CDH9: variants seen among roughly 807,000 people sequenced by gnomAD.
CDH9 encodes cadherin 9, also known as cadherin-9.
In CDH9, 28 loss-of-function variants were observed where a neutral mutation model predicts 70.9. That is an observed-to-expected ratio of 0.40 (90% CI 0.29 to 0.54). The LOEUF is 0.54. CDH9 is among the 20% of genes least tolerant of loss of function. The probability of loss-of-function intolerance (pLI) is 0.59; values close to 1 mark genes in which losing one functional copy is unlikely to be tolerated. For missense variants in CDH9, 874 were observed against 984.4 expected (o/e 0.89, Z 1.50); for synonymous variants, 409 against 343.1 (o/e 1.19, Z -2.12).
chr5:26,903,747 C>T lies in CDH9; in HGVS notation c.889G>A (p.Val297Met), dbSNP rs201758024. The change falls in exon 6 of 12, where the codon GTG becomes ATG. Residue 297 changes from valine (V) to methionine (M), a missense_variant. Coordinates refer to ENST00000231021, the MANE Select transcript of CDH9 (RefSeq NM_016279.4). Reference protein sequence around the residue: ...LGRIKANDPDVGENAEMEYSI... With the variant: ...LGRIKANDPDMGENAEMEYSI... ...TACTCCATTTCTGCATTTTCCCCCA[C>T]GTCAGGGTCATTGGCTTTTATCCTT... 3.9e-5 allele frequency: 62 copies of T among 1,607,990 alleles called. No homozygotes were observed. The highest frequency in any genetic ancestry group is 5.4e-5 in the African/African-American group (4 of 74,758).
chr5:26,914,755 T>C (rs977547297), intron 3 of CDH9, among the ~76,000 whole-genome samples: 2 of 152,050 alleles, frequency 1.3e-5, no homozygotes, highest in Non-Finnish European at 2.9e-5. Flanking sequence ...GTTATAAGAA[T>C]GTCAAAATCA....
chr5:26,980,686 A>G (rs1742384661), intron 2 of CDH9, among the ~76,000 whole-genome samples: 1 of 152,036 alleles, frequency 6.6e-6, no homozygotes. Context: ...ACATGCATAC[A>G]TTATTAATTT....
intron 2 of CDH9, among the ~76,000 whole-genome samples, chr5:26,946,898 A>T (rs547166965): frequency 1.3e-5 from 2 of 152,332 alleles, no homozygotes; most frequent in South Asian, 4.1e-4. Flanking sequence ...GATAAATACC[A>T]TCAGGAGTCA....
chr5:27,029,552 T>C lies in CDH9; in HGVS notation c.-50+8911A>G, dbSNP rs374084264. ...GTTGTTTGAAACAGTGGTCTACAAG[T>C]GAAGGTGCTCTTCCCAGCGCAGCAG... On this transcript the variant is annotated intron_variant, in intron 1 of 11. Transcript: ENST00000231021. Among the ~76,000 whole-genome samples, 4 of 152,072 alleles carry C rather than the reference T, an allele frequency of 2.6e-5. No individual in the cohort carries two copies. In the East Asian group the frequency reaches 7.8e-4, roughly 30 times the overall value.
intron 3 of CDH9, among the ~76,000 whole-genome samples, chr5:26,909,036 T>G (rs937253643): frequency 2.6e-5 from 4 of 152,192 alleles, no homozygotes; most frequent in African/African-American, 7.2e-5. Flanking sequence ...CAGGCTGGAG[T>G]GCAGTGGCGC....
At chr5:26,952,279 A>G (rs946447778) in intron 2 of CDH9, among the ~76,000 whole-genome samples, 5 of 149,408 alleles carry the variant, frequency 3.3e-5, no homozygotes, top group Middle Eastern at 3.4e-3. Context: ...TTGAAATTTA[A>G]TTAACTCAAT....
chr5:26,961,151 T>C (rs1742028145), intron 2 of CDH9, among the ~76,000 whole-genome samples: 1 of 152,232 alleles, frequency 6.6e-6, no homozygotes, highest in East Asian at 1.9e-4. Flanking sequence ...ACAAATACAA[T>C]CTGTATATAT....
rs1740497520 is a variant in CDH9, at chr5:26,883,074, TATATATATATATATATATATAA to T, written c.1883-1473_1883-1452del. The stretch of plus-strand genomic sequence containing the variant: ...ATATATATATATATATATATATATA[TATATATATATATATATATATAA>T]AACTGCAGTAAAAATGAGACCTCTG... On this transcript the variant is annotated intron_variant, in intron 11 of 11. Coordinates refer to ENST00000231021, the MANE Select transcript of CDH9 (RefSeq NM_016279.4). 2.3e-5 allele frequency among the ~76,000 whole-genome samples: 3 copies of T among 129,392 alleles called. 1 individual carries two copies. The highest frequency in any genetic ancestry group is 8.7e-5 in the African/African-American group (3 of 34,558). The allele number at this position is 129,392 out of a possible 152,430, so 84.9% of individuals were successfully genotyped here. A position where few individuals can be genotyped will look rare whatever the true frequency, so the allele number is the denominator to read the frequency against.
chr5:26,943,918 A>C (rs1295586334), intron 2 of CDH9, among the ~76,000 whole-genome samples: 1 of 152,220 alleles, frequency 6.6e-6, no homozygotes, highest in Non-Finnish European at 1.5e-5. Flanking sequence ...AATAAATTAG[A>C]GTGTGATTAA....
Position 26,993,575 on chromosome 5 carries a change from A to C in CDH9, c.-49-5193T>G, listed in dbSNP as rs369723110. On this transcript the variant is annotated intron_variant, in intron 1 of 11. Coordinates refer to ENST00000231021, the MANE Select transcript of CDH9 (RefSeq NM_016279.4). ...TAGTAGGGGTGTGAACCATAGACTT[A>C]ATATGACAGCCCAGGAGGAAAGCTG... Among the ~76,000 whole-genome samples, 5 of 152,000 alleles carry C rather than the reference A, an allele frequency of 3.3e-5. No homozygotes were observed. In the East Asian group the frequency reaches 7.8e-4, roughly 24 times the overall value.
intron 1 of CDH9, among the ~76,000 whole-genome samples, chr5:27,035,577 C>T (rs566996325): frequency 2.0e-5 from 3 of 151,410 alleles, no homozygotes; most frequent in South Asian, 2.1e-4. Context: ...TTTAAGCAGA[C>T]GATTTACAAG....
intron 2 of CDH9, among the ~76,000 whole-genome samples, chr5:26,942,624 A>ACC (rs1741683548): frequency 6.6e-6 from 1 of 152,152 alleles, no homozygotes; most frequent in African/African-American, 2.4e-5. Flanking sequence ...CCAAGACAGG[A>ACC]TAAGATAAGC....
chr5:27,030,021 T>C (rs138686358), intron 1 of CDH9, among the ~76,000 whole-genome samples: 1 of 152,122 alleles, frequency 6.6e-6, no homozygotes, highest in Non-Finnish European at 1.5e-5. Flanking sequence ...TTAAAGGTAG[T>C]AATAAGTATA....
At chr5:27,033,266 A>C (rs985459406) in intron 1 of CDH9, among the ~76,000 whole-genome samples, 1 of 151,370 alleles carries the variant, frequency 6.6e-6, no homozygotes, top group Non-Finnish European at 1.5e-5. Context: ...CCAGTTACAC[A>C]TTGTAATAAT....
intron 1 of CDH9, among the ~76,000 whole-genome samples, chr5:27,037,863 G>A (rs538983579): frequency 1.3e-5 from 2 of 152,004 alleles, no homozygotes; most frequent in East Asian, 3.9e-4. Context: ...CCACAAATAC[G>A]TGAAGAAACC....
intron 1 of CDH9, among the ~76,000 whole-genome samples, chr5:27,028,060 G>A (rs1045702765): frequency 1.3e-5 from 2 of 151,916 alleles, no homozygotes; most frequent in Admixed American, 1.3e-4. Flanking sequence ...ACATTATAGG[G>A]CAGTAGCCCT....
chr5:27,032,538 T>A (rs1743326112), intron 1 of CDH9, among the ~76,000 whole-genome samples: 1 of 151,704 alleles, frequency 6.6e-6, no homozygotes, highest in South Asian at 2.1e-4. Flanking sequence ...GGCAGAAAAC[T>A]ATTTTCTCTC....
intron 2 of CDH9, among the ~76,000 whole-genome samples, chr5:26,947,229 A>G (rs1741770392): frequency 6.6e-6 from 1 of 152,184 alleles, no homozygotes; most frequent in Non-Finnish European, 1.5e-5. Flanking sequence ...GGAAATGATC[A>G]TGCTGAGAAA....
Position 26,955,492 on chromosome 5 carries a change from C to G in CDH9, c.228+32614G>C, listed in dbSNP as rs7717875. ...TTGGGGCTGCCTGAATTCCTTGGCTCGTAGCCCCATTCTAAAACCAGCAAG... is the reference window on the plus strand; with the variant it reads ...TTGGGGCTGCCTGAATTCCTTGGCTGGTAGCCCCATTCTAAAACCAGCAAG... On this transcript the variant is annotated intron_variant, in intron 2 of 11. Transcript: ENST00000231021. Among the ~76,000 whole-genome samples the G allele has an allele frequency of 4.2e-3, 646 of 152,118 alleles. 7 individuals are homozygous for G. Among genetic ancestry groups the G allele is most frequent in the African/African-American group, 0.015 (622 of 41,520 alleles).
Sources: gnomAD v4.1 joint callset for allele counts (sites outside exome capture counted in the v4.1 genomes callset) on GRCh38, gnomAD v4.1.1 for gene constraint, MANE v1.5 for transcripts, NCBI Gene and HGNC (gene_info 2026-07-23, HGNC 2026-07-21) for gene names.